NYAP1: variants seen among roughly 807,000 people sequenced by gnomAD.
The protein encoded by NYAP1 is neuronal tyrosine phosphorylated phosphoinositide-3-kinase adaptor 1, also known as neuronal tyrosine-phosphorylated phosphoinositide-3-kinase adapter 1.
NYAP1 carries 20 observed loss-of-function variants against 58.6 expected under a neutral mutation model. The observed-to-expected ratio is 0.34, with a 90% CI of 0.24 to 0.50. The LOEUF is 0.50. Ranked by LOEUF, NYAP1 falls within the 20% of genes least tolerant of loss-of-function variation. The pLI is 0.98. For synonymous variants in NYAP1, 572 were observed against 523.1 expected (o/e 1.09, Z -1.27); for missense variants, 1,150 against 1,194.5 (o/e 0.96, Z 0.55).
At chr7:100,484,347 T>G (rs1584357357) in intron 1 of NYAP1, among the ~76,000 whole-genome samples, 1 of 151,094 alleles carries the variant, frequency 6.6e-6, no homozygotes, top group South Asian at 2.1e-4. Flanking sequence ...GCCCCCCGGG[T>G]GGGATTGAGG....
rs774424184 is a variant in NYAP1 at position 100,488,522 on chromosome 7, G to A, written c.801G>A (p.Pro267=). Residue 267 remains proline, a synonymous_variant, in exon 4 of 7, where the codon CCG becomes CCA. Coordinates refer to ENST00000300179, the MANE Select transcript of NYAP1 (RefSeq NM_173564.4). This position sits in a 1 kb window ranked among gnomAD's most constrained non-coding sequence, Gnocchi z 5.9. The part of the protein sequence containing the change: ...SEAIYEEMKY[P]LPEEAGEGRA... ...CCATCTATGAAGAGATGAAGTACCC[G>A]CTGCCGGAAGAGGCTGGGGAAGGCC... 26 of 1,612,094 alleles carry A rather than the reference G, an allele frequency of 1.6e-5. 1 individual carries two copies. The highest frequency in any genetic ancestry group is 5.5e-5 in the South Asian group (5 of 91,058).
Position 100,489,073 on chromosome 7 carries a change from G to A in NYAP1, c.1352G>A (p.Gly451Asp). 6.5e-7 allele frequency: 1 copy of A among 1,547,374 alleles called. No homozygotes were observed. Reference protein sequence around the residue: ...APPAPAALLPGPPKDKAVSYT... With the variant: ...APPAPAALLPDPPKDKAVSYT... ...CCTGCCCCGGCCGCCTTGCTCCCCG[G>A]CCCCCCCAAGGACAAGGCCGTGTCT... is the stretch of plus-strand genomic sequence containing the variant. The change falls in exon 4 of 7, where the codon GGC becomes GAC. Residue 451 changes from glycine to aspartate, a missense_variant. By Grantham distance (94) the Gly-to-Asp change is moderately conservative. Transcript: ENST00000300179.
rs555222024 is a variant in NYAP1, at chr7:100,485,852, C to T, written c.68+473C>T. 7.2e-5 allele frequency among the ~76,000 whole-genome samples: 11 copies of T among 152,268 alleles called. No individual in the cohort carries two copies. In the South Asian group the frequency reaches 1.9e-3, roughly 26 times the overall value. ...TGGGGTTGTGTGTGTGGTGGGCAGA[C>T]ATGCAGGCTGGGCCTTGCCAAAGAG... On this transcript the variant is annotated intron_variant, in intron 2 of 6. Coordinates refer to ENST00000300179, the MANE Select transcript of NYAP1 (RefSeq NM_173564.4). This position sits in a 1 kb window ranked among gnomAD's most constrained non-coding sequence, Gnocchi z 5.7.
In NYAP1 at chr7:100,489,499, A is replaced by T. The variant is rs1399892210; in HGVS notation, c.1778A>T (p.Gln593Leu). 1 of 1,613,350 alleles carries T rather than the reference A, an allele frequency of 6.2e-7. No homozygotes were observed. Among genetic ancestry groups the T allele is most frequent in the Admixed American group, 1.7e-5 (1 of 60,014 alleles). The change falls in exon 4 of 7, where the codon CAA (glutamine) becomes CTA (leucine). Residue 593 changes from glutamine to leucine, a missense_variant. By Grantham distance (113) the Gln-to-Leu change is moderately radical. Transcript: ENST00000300179. ...SPMVKIQLQE[Q>L]GTDGGAFASI... The stretch of plus-strand genomic sequence containing the variant: ...ATGGTCAAGATCCAGCTGCAGGAGC[A>T]AGGGACCGATGGGGGTGCTTTTGCC...
In NYAP1 at chr7:100,486,918, C is replaced by T. The variant is rs751651870; in HGVS notation, c.166C>T (p.Leu56Phe). Residue 56 changes from leucine to phenylalanine, a missense_variant, in exon 3 of 7, where the codon CTC becomes TTC. By Grantham distance (22) the Leu-to-Phe change is conservative. Coordinates refer to ENST00000300179, the MANE Select transcript of NYAP1 (RefSeq NM_173564.4). The surrounding 1 kb of genome is among the most constrained non-coding windows in gnomAD (Gnocchi z 6.2). ...GGACATCGCCTCGCTGCGGCGCTCCCTCAGGATGGGTTTCATGACGATGCC... is the reference window on the plus strand; with the variant it reads ...GGACATCGCCTCGCTGCGGCGCTCCTTCAGGATGGGTTTCATGACGATGCC... ...VRDIASLRRS[L>F]RMGFMTMPAS... The T allele has an allele frequency of 6.3e-7, 1 of 1,598,404 alleles. No individual in the cohort carries two copies. The highest frequency in any genetic ancestry group is 8.5e-7 in the Non-Finnish European group (1 of 1,173,946).
Position 100,485,418 on chromosome 7 carries a change from C to T in NYAP1, c.68+39C>T, listed in dbSNP as rs769059140. ...CCAGACTGCTCCCTTCCCTTCCGCACCTCTGCCTGCCCCCTCACTGGGCCA... is the reference window on the plus strand; with the variant it reads ...CCAGACTGCTCCCTTCCCTTCCGCATCTCTGCCTGCCCCCTCACTGGGCCA... On this transcript the variant is annotated intron_variant, in intron 2 of 6. Coordinates refer to ENST00000300179, the MANE Select transcript of NYAP1 (RefSeq NM_173564.4). The surrounding 1 kb of genome is among the most constrained non-coding windows in gnomAD (Gnocchi z 5.7). The T allele has an allele frequency of 2.7e-6, 4 of 1,482,446 alleles. No homozygotes were observed. The East Asian group carries it at 7.2e-5, about 27-fold the overall frequency. The allele number at this position is 1,482,446 out of a possible 1,614,324, so 91.8% of individuals were successfully genotyped here.
At position 100,489,040 on chromosome 7, in the gene NYAP1, C is replaced by A. The variant is rs1194320958; in HGVS notation, c.1319C>A (p.Ala440Glu). Residue 440 changes from alanine to glutamate, a missense_variant, in exon 4 of 7, where the codon GCA (alanine) becomes GAA (glutamate). By Grantham distance (107) the Ala-to-Glu change is moderately radical. Coordinates refer to ENST00000300179, the MANE Select transcript of NYAP1 (RefSeq NM_173564.4). ...TGCCCTAAGGCGGCGGGGGCGCCGGCAGCCCCCCCTGCCCCGGCCGCCTTG... is the reference window on the plus strand; with the variant it reads ...TGCCCTAAGGCGGCGGGGGCGCCGGAAGCCCCCCCTGCCCCGGCCGCCTTG... Reference protein sequence around the residue: ...MICPKAAGAPAAPPAPAALLP... With the variant: ...MICPKAAGAPEAPPAPAALLP... 6.5e-7 allele frequency: 1 copy of A among 1,544,276 alleles called. No homozygotes were observed.
chr7:100,488,017 G>GT lies in NYAP1; in HGVS notation c.431-134dup, dbSNP rs1477690030. ...AGAAATGAAGAAACCTCCTGGGGCT[G>GT]TAAGTTGAGGAATGTGGGGAAAAGG... On this transcript the variant is annotated intron_variant, in intron 3 of 6. Transcript: ENST00000300179. The surrounding 1 kb of genome is among the most constrained non-coding windows in gnomAD (Gnocchi z 5.9). The GT allele has an allele frequency of 9.5e-6, 6 of 632,228 alleles. 1 individual carries two copies. The Middle Eastern group carries it at 1.1e-3, about 114-fold the overall frequency. 39.2% of individuals were successfully genotyped at this position (632,228 alleles called of 1,614,324 possible). A position where few individuals can be genotyped will look rare whatever the true frequency, so the allele number is the denominator to read the frequency against.
rs1176471059 is a variant in NYAP1 at position 100,489,297 on chromosome 7, C to T, written c.1576C>T (p.His526Tyr). 6.3e-7 allele frequency: 1 copy of T among 1,599,828 alleles called. No individual in the cohort carries two copies. Among genetic ancestry groups the T allele is most frequent in the Admixed American group, 1.7e-5 (1 of 58,110 alleles). The change falls in exon 4 of 7, where the codon CAC becomes TAC. Residue 526 changes from histidine (H) to tyrosine (Y), a missense_variant. His to Tyr is a moderately conservative substitution (Grantham distance 83). Transcript: ENST00000300179. ...GAMGAAAGVL[H>Y]HRGCLASPHS... ...CATGGGCGCAGCAGCTGGGGTCCTC[C>T]ACCACCGCGGCTGCCTGGCCTCCCC...
At position 100,486,157 on chromosome 7, in the gene NYAP1, C is replaced by A. The variant is rs907490393; in HGVS notation, c.69-664C>A. Among the ~76,000 whole-genome samples the A allele has an allele frequency of 1.5e-4, 23 of 152,128 alleles. No homozygotes were observed. Among genetic ancestry groups the A allele is most frequent in the Non-Finnish European group, 5.9e-5 (4 of 68,018 alleles). ...TAGACAGGGCCTTAATGAGTGCCCA[C>A]CCCACACAGCTCTCCTCTCTTCCCT... On this transcript the variant is annotated intron_variant, in intron 2 of 6. Transcript: ENST00000300179. The surrounding 1 kb of genome is among the most constrained non-coding windows in gnomAD (Gnocchi z 6.2).
rs1044623678 is a variant in NYAP1, at chr7:100,487,758, C to G, written c.431-394C>G. On this transcript the variant is annotated intron_variant, in intron 3 of 6. Transcript: ENST00000300179. The surrounding 1 kb of genome is among the most constrained non-coding windows in gnomAD (Gnocchi z 4.1). ...CTGGCCTCAGGTGATCCACCCACCT[C>G]GGCCTCCCAGAGTGCTGGGATTACA... Among the ~76,000 whole-genome samples the G allele has an allele frequency of 6.6e-6, 1 of 152,200 alleles. No homozygotes were observed. Among genetic ancestry groups the G allele is most frequent in the Non-Finnish European group, 1.5e-5 (1 of 68,022 alleles).
In NYAP1 at chr7:100,491,073, A is replaced by C. The variant is rs1799790123; in HGVS notation, c.2246A>C (p.Gln749Pro). 2 of 1,558,044 alleles carry C rather than the reference A, an allele frequency of 1.3e-6. No individual in the cohort carries two copies. The highest frequency in any genetic ancestry group is 1.7e-6 in the Non-Finnish European group (2 of 1,150,382). ...CTCCACACACCCCGGCCCTGCAGCC[A>C]GCCCAGGGATGCCCTGAGCCAGGTG... ...VVLHTPRPCSQPRDALSQPHP... is the reference protein window; with the variant it reads ...VVLHTPRPCSPPRDALSQPHP... The change falls in exon 6 of 7, where the codon CAG becomes CCG. Residue 749 changes from glutamine (Q) to proline (P), a missense_variant. Gln to Pro is a moderately conservative substitution (Grantham distance 76). Transcript: ENST00000300179.
At position 100,487,603 on chromosome 7, in the gene NYAP1, G is replaced by T. The variant is rs1341825298; in HGVS notation, c.430+421G>T. Among the ~76,000 whole-genome samples the T allele has an allele frequency of 1.3e-5, 2 of 152,156 alleles. No homozygotes were observed. Among genetic ancestry groups the T allele is most frequent in the Non-Finnish European group, 2.9e-5 (2 of 68,020 alleles). On this transcript the variant is annotated intron_variant, in intron 3 of 6. Transcript: ENST00000300179. This position sits in a 1 kb window ranked among gnomAD's most constrained non-coding sequence, Gnocchi z 4.1. ...TGCATCCTCCGCCTCCCAGGTTCAAGCAGTTCTCCTGCCTCAGCCTCCCAG... is the reference window on the plus strand; with the variant it reads ...TGCATCCTCCGCCTCCCAGGTTCAATCAGTTCTCCTGCCTCAGCCTCCCAG...
At position 100,488,662 on chromosome 7, in the gene NYAP1, C is replaced by T. The variant is rs145967305; in HGVS notation, c.941C>T (p.Thr314Met). 3.6e-4 allele frequency: 579 copies of T among 1,610,944 alleles called. No individual in the cohort carries two copies. The highest frequency in any genetic ancestry group is 4.7e-4 in the Non-Finnish European group (551 of 1,179,282). Residue 314 changes from threonine to methionine, a missense_variant, in exon 4 of 7, where the codon ACG becomes ATG. By Grantham distance (81) the Thr-to-Met change is moderately conservative (BLOSUM62 -1). Coordinates refer to ENST00000300179, the MANE Select transcript of NYAP1 (RefSeq NM_173564.4). The surrounding 1 kb of genome is among the most constrained non-coding windows in gnomAD (Gnocchi z 5.9). ...GCCCTCCCGAGCCGGAGGGACGGGACGCCCACCAAGACCACTCCTTGTGAA... is the reference window on the plus strand; with the variant it reads ...GCCCTCCCGAGCCGGAGGGACGGGATGCCCACCAAGACCACTCCTTGTGAA... The part of the protein sequence containing the change: ...ASALPSRRDG[T>M]PTKTTPCEIP...
chr7:100,489,567 G>A lies in NYAP1; in HGVS notation c.1846G>A (p.Glu616Lys), dbSNP rs773343242. The A allele has an allele frequency of 1.2e-6, 2 of 1,613,388 alleles. No homozygotes were observed. Among genetic ancestry groups the A allele is most frequent in the Admixed American group, 3.3e-5 (2 of 59,986 alleles). ...AHVIASAGTP[E>K]EEEEEVGAAT... ...CGTCATCGCCAGCGCAGGGACACCA[G>A]AGGAGGAAGAAGAGGAGGTGGGCGC... Residue 616 changes from glutamate (E) to lysine (K), a missense_variant, in exon 4 of 7, where the codon GAG (glutamate) becomes AAG (lysine). Glu to Lys is a moderately conservative substitution (Grantham distance 56, BLOSUM62 1). Coordinates refer to ENST00000300179, the MANE Select transcript of NYAP1 (RefSeq NM_173564.4).
chr7:100,492,823 T>C (rs987603175), intron 6 of NYAP1, among the ~76,000 whole-genome samples: 6 of 151,764 alleles, frequency 4.0e-5, no homozygotes, highest in African/African-American at 1.2e-4. Flanking sequence ...CACTTGAGCC[T>C]GGGAGGTGGA....
chr7:100,488,768 C>G lies in NYAP1; in HGVS notation c.1047C>G (p.Thr349=). 1 of 1,596,310 alleles carries G rather than the reference C, an allele frequency of 6.3e-7. No homozygotes were observed. The highest frequency in any genetic ancestry group is 8.5e-7 in the Non-Finnish European group (1 of 1,171,116). Residue 349 remains threonine (T), a synonymous_variant, in exon 4 of 7, where the codon ACC becomes ACG. Coordinates refer to ENST00000300179, the MANE Select transcript of NYAP1 (RefSeq NM_173564.4). This position sits in a 1 kb window ranked among gnomAD's most constrained non-coding sequence, Gnocchi z 5.9. ...CCCAAGCCAAGTCTGCTTCCCGAAC[C>G]CCTGGCGATGGGGTCTCAAGGCTAC... The part of the protein sequence containing the change: ...AFPQAKSASR[T]PGDGVSRLPV...
Position 100,485,238 on chromosome 7 carries a change from AC to A in NYAP1, c.-71del. 2.7e-6 allele frequency: 2 copies of A among 736,536 alleles called. No homozygotes were observed. Among genetic ancestry groups the A allele is most frequent in the Non-Finnish European group, 4.5e-6 (2 of 441,084 alleles). 45.6% of individuals were successfully genotyped at this position (736,536 alleles called of 1,614,324 possible). A position where few individuals can be genotyped will look rare whatever the true frequency, so the allele number is the denominator to read the frequency against. ...CACCCCGCCCGCCAGTGGATCCGGG[AC>A]CCAGGGAGGGCCGCCCCCCGGGCCT... On this transcript the variant is annotated 5_prime_UTR_variant, in exon 2 of 7. An upstream open reading frame in the 5' UTR gains an earlier in-frame stop. Coordinates refer to ENST00000300179, the MANE Select transcript of NYAP1 (RefSeq NM_173564.4). The surrounding 1 kb of genome is among the most constrained non-coding windows in gnomAD (Gnocchi z 5.7).
intron 1 of NYAP1, among the ~76,000 whole-genome samples, chr7:100,484,920 T>A (rs1799684519): frequency 1.3e-5 from 2 of 152,080 alleles, no homozygotes. Flanking sequence ...TGTGTACTTG[T>A]GTAGCTGAGG....
Sources: gnomAD v4.1 joint callset for allele counts (sites outside exome capture counted in the v4.1 genomes callset) on GRCh38, gnomAD v4.1.1 for gene constraint, Gnocchi (gnomAD v3.1) non-coding constraint, MANE v1.5 for transcripts, NCBI Gene and HGNC (gene_info 2026-07-23, HGNC 2026-07-21) for gene names.